SLCO3A1: variants seen among roughly 807,000 people sequenced by gnomAD.
The protein encoded by SLCO3A1 is PGE1 transporter.
A neutral mutation model predicts 63.1 loss-of-function variants in SLCO3A1; 27 were observed. The observed-to-expected ratio is 0.43, with a 90% confidence interval of 0.32 to 0.59. SLCO3A1 has a LOEUF of 0.59. SLCO3A1 is among the 20% of genes least tolerant of loss of function. The pLI is 0.09. For synonymous variants in SLCO3A1, 473 were observed against 409.9 expected (o/e 1.15, Z -1.86); for missense variants, 773 against 945.8 (o/e 0.82, Z 2.40).
At chr15:91,890,637 A>T (rs1897847137) in intron 1 of SLCO3A1, among the ~76,000 whole-genome samples, 1 of 152,200 alleles carries the variant, frequency 6.6e-6, no homozygotes, top group African/African-American at 2.4e-5. Flanking sequence ...TCTGATCCCC[A>T]TCCCTTAGCA....
rs561910264 is a variant in SLCO3A1, at chr15:91,943,647, G to A, written c.646+27189G>A. On this transcript the variant is annotated intron_variant, in intron 2 of 9. Coordinates refer to ENST00000318445, the MANE Select transcript of SLCO3A1 (RefSeq NM_013272.4). ...ATGGTAATTCCATGTTTAATTTTTC[G>A]AGGAACCGCCATACTGTTTTTCATA... Among the ~76,000 whole-genome samples, 23 of 152,156 alleles carry A rather than the reference G, an allele frequency of 1.5e-4. No homozygotes were observed. In the East Asian group the frequency reaches 2.1e-3, roughly 14 times the overall value.
At chr15:92,008,880 A>G (rs2046340048) in intron 2 of SLCO3A1, among the ~76,000 whole-genome samples, 1 of 152,236 alleles carries the variant, frequency 6.6e-6, no homozygotes, top group South Asian at 2.1e-4. Flanking sequence ...TCAAAAAGGC[A>G]GATCAACGCC....
chr15:91,922,178 A>G (rs1370541952), intron 2 of SLCO3A1, among the ~76,000 whole-genome samples: 1 of 133,968 alleles, frequency 7.5e-6, no homozygotes, highest in Non-Finnish European at 1.6e-5. Context: ...TGTGTTAGGC[A>G]GACACACGCG....
At chr15:91,934,656 G>T (rs1379740824) in intron 2 of SLCO3A1, among the ~76,000 whole-genome samples, 4 of 152,200 alleles carry the variant, frequency 2.6e-5, no homozygotes, top group Non-Finnish European at 5.9e-5. Context: ...AAATCTATGG[G>T]TTTTCTCTTT....
rs1390272715 is a variant in SLCO3A1, at chr15:92,104,456, A to T, written c.923A>T (p.Glu308Val). The T allele has an allele frequency of 2.5e-6, 4 of 1,613,958 alleles. No homozygotes were observed. The African/African-American group carries it at 5.3e-5, about 22-fold the overall frequency. ...ESEQAMLSER[E>V]YERPKPSNGV... Reference sequence around the variant, plus strand: ...GAGCAGGCCATGCTCTCCGAAAGAGAATACGAGAGACCCAAGCCCAGCAAC... The same window carrying T: ...GAGCAGGCCATGCTCTCCGAAAGAGTATACGAGAGACCCAAGCCCAGCAAC... The change falls in exon 4 of 10, where the codon GAA becomes GTA. Residue 308 changes from glutamate (E) to valine (V), a missense_variant. By Grantham distance (121) the Glu-to-Val change is moderately radical. Coordinates refer to ENST00000318445, the MANE Select transcript of SLCO3A1 (RefSeq NM_013272.4).
rs115259306 is a variant in SLCO3A1, at chr15:92,066,342, C to A, written c.647-28539C>A. On this transcript the variant is annotated intron_variant, in intron 2 of 9. Coordinates refer to ENST00000318445, the MANE Select transcript of SLCO3A1 (RefSeq NM_013272.4). ...CAGTTACCAGCTCTAAGCCTCAGTA[C>A]CCTCATCTCAAAAATCGGAGAAAAT... 5.6e-3 allele frequency among the ~76,000 whole-genome samples: 857 copies of A among 152,298 alleles called. 8 individuals carry two copies. The highest frequency in any genetic ancestry group is 0.019 in the African/African-American group (810 of 41,558).
At chr15:92,168,243 G>A (rs1198053468), downstream of SLCO3A1, among the ~76,000 whole-genome samples, 1 of 152,242 alleles carries the variant, frequency 6.6e-6, no homozygotes. Context: ...TGGAGAGTGG[G>A]TGGCCTAGAA....
At chr15:91,932,570 G>C (rs1827409517) in intron 2 of SLCO3A1, among the ~76,000 whole-genome samples, 1 of 151,978 alleles carries the variant, frequency 6.6e-6, no homozygotes, top group Admixed American at 6.6e-5. Context: ...AGCCTCCTGA[G>C]CTGCTGGGAT....
intron 2 of SLCO3A1, among the ~76,000 whole-genome samples, chr15:92,055,598 T>C (rs1175132807): frequency 6.6e-6 from 1 of 152,190 alleles, no homozygotes; most frequent in Non-Finnish European, 1.5e-5. Context: ...TTTCCTACAG[T>C]GTTGATTTGT....
At chr15:91,892,052 G>A (rs1897883377) in intron 1 of SLCO3A1, among the ~76,000 whole-genome samples, 2 of 152,214 alleles carry the variant, frequency 1.3e-5, no homozygotes, top group South Asian at 4.1e-4. Context: ...GTTCCAGTAT[G>A]ACATTGAAAG....
intron 3 of SLCO3A1, among the ~76,000 whole-genome samples, chr15:92,100,626 C>A (rs2047594195): frequency 6.6e-6 from 1 of 152,202 alleles, no homozygotes; most frequent in South Asian, 2.1e-4. Flanking sequence ...GTTTTCAAGC[C>A]TTCCTCCCTA....
chr15:92,001,458 T>C (rs1240302512), intron 2 of SLCO3A1, among the ~76,000 whole-genome samples: 2 of 152,184 alleles, frequency 1.3e-5, no homozygotes, highest in African/African-American at 4.8e-5. Flanking sequence ...AGGGTTGAGC[T>C]TGACAGTGCC....
chr15:91,987,088 C>G (rs982639660), intron 2 of SLCO3A1, among the ~76,000 whole-genome samples: 8 of 152,076 alleles, frequency 5.3e-5, no homozygotes, highest in Non-Finnish European at 1.2e-4. Context: ...GCAGAAGTTG[C>G]TTTTTATCGC....
chr15:91,926,602 C>CGCACGT (rs1555450196), intron 2 of SLCO3A1, among the ~76,000 whole-genome samples: 3 of 34,880 alleles, frequency 8.6e-5, no homozygotes, highest in African/African-American at 1.9e-4. Context: ...TGTGTGCGCG[C>CGCACGT]GCGCACGCCC....
chr15:91,976,915 C>G (rs911583224), intron 2 of SLCO3A1, among the ~76,000 whole-genome samples: 1 of 151,984 alleles, frequency 6.6e-6, no homozygotes, highest in Non-Finnish European at 1.5e-5. Flanking sequence ...AGGACCGGGG[C>G]GAAATTAAAA....
At chr15:92,060,977 G>A (rs575266048) in intron 2 of SLCO3A1, among the ~76,000 whole-genome samples, 2 of 152,230 alleles carry the variant, frequency 1.3e-5, no homozygotes, top group African/African-American at 2.4e-5. Context: ...CATTGTATTC[G>A]AGGTTCATCA....
At chr15:92,112,124 C>T (rs2047736675) in intron 4 of SLCO3A1, among the ~76,000 whole-genome samples, 1 of 152,176 alleles carries the variant, frequency 6.6e-6, no homozygotes, top group Non-Finnish European at 1.5e-5. Context: ...CATTTCACCC[C>T]AGTCTGGAAG....
chr15:91,880,381 TTCTCTCTCTCTCTC>T lies in SLCO3A1; in HGVS notation c.180+26309_180+26322del, dbSNP rs71464533. 8.2e-5 allele frequency among the ~76,000 whole-genome samples: 10 copies of T among 121,688 alleles called. 1 individual carries two copies. Among genetic ancestry groups the T allele is most frequent in the Non-Finnish European group, 1.4e-4 (8 of 55,362 alleles). 79.8% of individuals were successfully genotyped at this position (121,688 alleles called of 152,430 possible). ...TCCTCAGTTTTACCGGCACTCGTGC[TTCTCTCTCTCTCTC>T]TCTCTCTCTCTCTCTGTGTGTGTGT... On this transcript the variant is annotated intron_variant, in intron 1 of 9. Coordinates refer to ENST00000318445, the MANE Select transcript of SLCO3A1 (RefSeq NM_013272.4).
chr15:91,900,414 C>T lies in SLCO3A1; in HGVS notation c.181-15579C>T, dbSNP rs926105811. 6.6e-6 allele frequency among the ~76,000 whole-genome samples: 1 copy of T among 152,192 alleles called. No homozygotes were observed. The highest frequency in any genetic ancestry group is 2.4e-5 in the African/African-American group (1 of 41,448). ...GTGTGATCTCAGCTCACTGCAACCT[C>T]CACTTCCTGGGTTCAAGCGATTCTC... On this transcript the variant is annotated intron_variant, in intron 1 of 9. Coordinates refer to ENST00000318445, the MANE Select transcript of SLCO3A1 (RefSeq NM_013272.4). The surrounding 1 kb of genome is among the most constrained non-coding windows in gnomAD (Gnocchi z 4.3).
Sources: gnomAD v4.1 joint callset for allele counts (sites outside exome capture counted in the v4.1 genomes callset) on GRCh38, gnomAD v4.1.1 for gene constraint, Gnocchi (gnomAD v3.1) non-coding constraint, MANE v1.5 for transcripts, NCBI Gene and HGNC (gene_info 2026-07-23, HGNC 2026-07-21) for gene names.